Variants in PCMTD1 observed in about 807,000 individuals in gnomAD.
PCMTD1 encodes protein-L-isoaspartate (D-aspartate) O-methyltransferase domain containing 1, also known as protein-L-isoaspartate O-methyltransferase domain-containing protein 1.
A neutral mutation model predicts 37.6 loss-of-function variants in PCMTD1; 12 were observed. The observed-to-expected ratio is 0.32, with a 90% CI of 0.20 to 0.52. PCMTD1 has a LOEUF of 0.52. Among genes scored for constraint, PCMTD1 ranks in the 20% least tolerant of loss-of-function variants. PCMTD1 has a pLI of 0.97. For missense variants in PCMTD1, 235 were observed against 421.3 expected (o/e 0.56, Z 3.87); for synonymous variants, 117 against 135.8 (o/e 0.86, Z 0.96).
At chr8:51,841,369 C>T (rs541394199) in intron 3 of PCMTD1, among the ~76,000 whole-genome samples, 1 of 152,112 alleles carries the variant, frequency 6.6e-6, no homozygotes, top group African/African-American at 2.4e-5. Flanking sequence ...GAATGAAAAT[C>T]TCCAATGATT....
rs749481507 is a variant in PCMTD1 at position 51,831,577 on chromosome 8, GA to G, written c.583-11del. The stretch of plus-strand genomic sequence containing the variant: ...GCATAATCTGTGTTAACTATTTAGA[GA>G]AAAAAAAGAAAGAAAGTGAACAACT... On this transcript the variant is annotated splice_polypyrimidine_tract_variant and intron_variant, in intron 4 of 5. Coordinates refer to ENST00000522514, the MANE Select transcript of PCMTD1 (RefSeq NM_052937.4). 1.2e-5 allele frequency: 19 copies of G among 1,592,532 alleles called. No individual in the cohort carries two copies. Among genetic ancestry groups the G allele is most frequent in the East Asian group, 4.5e-5 (2 of 44,396 alleles).
intron 4 of PCMTD1, among the ~76,000 whole-genome samples, chr8:51,832,938 C>G (rs571254570): frequency 6.6e-6 from 1 of 152,168 alleles, no homozygotes; most frequent in Non-Finnish European, 1.5e-5. Flanking sequence ...CTCAACCTCC[C>G]GGGCTCAAGT....
intron 1 of PCMTD1, among the ~76,000 whole-genome samples, chr8:51,886,316 G>A (rs2038864050): frequency 6.6e-6 from 1 of 152,068 alleles, no homozygotes; most frequent in African/African-American, 2.4e-5. Context: ...TTCAAATTTA[G>A]AATATTTAAA....
rs1199531473 is a variant in PCMTD1, at chr8:51,844,584, T to C, written c.410+1077A>G. 2.0e-5 allele frequency among the ~76,000 whole-genome samples: 3 copies of C among 151,828 alleles called. No homozygotes were observed. The East Asian group carries it at 5.8e-4, about 29-fold the overall frequency. Reference sequence around the variant, plus strand: ...GCCAGACGATAAATACAAACTGGGATTGCAAAGGGGAATGAAACAAAAGTA... The same window carrying C: ...GCCAGACGATAAATACAAACTGGGACTGCAAAGGGGAATGAAACAAAAGTA... On this transcript the variant is annotated intron_variant, in intron 3 of 5. Coordinates refer to ENST00000522514, the MANE Select transcript of PCMTD1 (RefSeq NM_052937.4).
intron 4 of PCMTD1, among the ~76,000 whole-genome samples, chr8:51,832,478 G>A (rs1477605470): frequency 1.3e-5 from 2 of 152,174 alleles, no homozygotes; most frequent in Non-Finnish European, 2.9e-5. Flanking sequence ...ACCCCAAGAT[G>A]TATAAACTCC....
chr8:51,837,842 C>T (rs1214884168), intron 3 of PCMTD1, among the ~76,000 whole-genome samples: 1 of 151,974 alleles, frequency 6.6e-6, no homozygotes, highest in Non-Finnish European at 1.5e-5. Flanking sequence ...TGCAGTGGTG[C>T]GATCTTAGCT....
In PCMTD1 at chr8:51,820,341, T is replaced by G. The variant is rs2037824653; in HGVS notation, c.*10A>C. The G allele has an allele frequency of 1.3e-6, 2 of 1,537,958 alleles. No individual in the cohort carries two copies. The highest frequency in any genetic ancestry group is 1.3e-5 in the South Asian group (1 of 77,394). ...GAATTATCAGTAGGCATTTTTCTTCTTGATCTAAGTTATTTGTCTCTAAAA... is the reference window on the plus strand; with the variant it reads ...GAATTATCAGTAGGCATTTTTCTTCGTGATCTAAGTTATTTGTCTCTAAAA... On this transcript the variant is annotated 3_prime_UTR_variant, in exon 6 of 6. Transcript: ENST00000522514.
intron 3 of PCMTD1, among the ~76,000 whole-genome samples, chr8:51,842,184 A>G (rs1017615693): frequency 3.9e-5 from 6 of 152,204 alleles, no homozygotes; most frequent in Non-Finnish European, 7.3e-5. Flanking sequence ...CAGTACAGTA[A>G]ATCTAGTGCT....
intron 3 of PCMTD1, among the ~76,000 whole-genome samples, chr8:51,837,832 T>C (rs1200694227): frequency 1.3e-5 from 2 of 152,114 alleles, no homozygotes; most frequent in Non-Finnish European, 2.9e-5. Flanking sequence ...CAGGCTGGAG[T>C]GCAGTGGTGC....
At chr8:51,838,397 G>C (rs1158645665) in intron 3 of PCMTD1, among the ~76,000 whole-genome samples, 1 of 151,930 alleles carries the variant, frequency 6.6e-6, no homozygotes, top group African/African-American at 2.4e-5. Context: ...GCCAAGGTGG[G>C]AAGATCGCTT....
At chr8:51,847,556 G>T (rs972602409) in intron 2 of PCMTD1, among the ~76,000 whole-genome samples, 1 of 152,100 alleles carries the variant, frequency 6.6e-6, no homozygotes, top group Non-Finnish European at 1.5e-5. Context: ...CAACTCAGGA[G>T]ACGGAGGTTG....
chr8:51,860,806 CTTA>C, intron 2 of PCMTD1, 36 bp downstream of exon 2: 1 of 1,477,590 alleles, frequency 6.8e-7, no homozygotes, highest in Non-Finnish European at 9.1e-7. Flanking sequence ...TACAAAATGG[CTTA>C]TTTTTTAAAA....
intron 1 of PCMTD1, among the ~76,000 whole-genome samples, chr8:51,864,239 T>C (rs891771182): frequency 2.0e-5 from 3 of 152,210 alleles, no homozygotes; most frequent in South Asian, 2.1e-4. Context: ...GCAGTCAATA[T>C]TGGAGCACCT....
intron 1 of PCMTD1, among the ~76,000 whole-genome samples, chr8:51,869,922 A>G (rs1370606247): frequency 6.6e-6 from 1 of 152,150 alleles, no homozygotes; most frequent in African/African-American, 2.4e-5. Context: ...AAGTGTTCCA[A>G]ACGTTTCTTG....
At chr8:51,873,897 CT>C (rs923915180) in intron 1 of PCMTD1, among the ~76,000 whole-genome samples, 4 of 148,450 alleles carry the variant, frequency 2.7e-5, no homozygotes, top group African/African-American at 4.9e-5. Context: ...TCAGGTATTT[CT>C]TTTTTTTTTC....
intron 2 of PCMTD1, chr8:51,850,124 T>A (rs2038283275): frequency 1.4e-6 from 1 of 701,716 alleles, no homozygotes. Flanking sequence ...AAAGGTCAGA[T>A]GTCTTGGCTT....
intron 2 of PCMTD1, among the ~76,000 whole-genome samples, chr8:51,848,682 C>G (rs1028696333): frequency 6.6e-6 from 1 of 151,988 alleles, no homozygotes; most frequent in African/African-American, 2.4e-5. Flanking sequence ...TTCATACTAC[C>G]TTGACACAAG....
chr8:51,895,659 C>G (rs924338851), intron 1 of PCMTD1, among the ~76,000 whole-genome samples: 1 of 145,808 alleles, frequency 6.9e-6, no homozygotes, highest in Non-Finnish European at 1.5e-5. Flanking sequence ...AATCCTTCCC[C>G]ACTTCAACAG....
chr8:51,898,586 A>AGCCGAGGACGG (rs1253544637), intron 1 of PCMTD1, among the ~76,000 whole-genome samples: 1 of 152,120 alleles, frequency 6.6e-6, no homozygotes, highest in African/African-American at 2.4e-5. Context: ...GCCGAGGACG[A>AGCCGAGGACGG]GCCGAGGACG....
Sources: gnomAD v4.1 joint callset for allele counts (sites outside exome capture counted in the v4.1 genomes callset) on GRCh38, gnomAD v4.1.1 for gene constraint, MANE v1.5 for transcripts, NCBI Gene and HGNC (gene_info 2026-07-23, HGNC 2026-07-21) for gene names.